C6orf118: variants seen among roughly 807,000 people sequenced by gnomAD.
C6orf118 encodes chromosome 6 open reading frame 118.
A neutral mutation model predicts 50.2 loss-of-function variants in C6orf118; 50 were observed. The ratio of observed to expected loss-of-function variants is 1.00; its 90% CI spans 0.79 to 1.26. The LOEUF (loss-of-function observed/expected upper bound fraction) is 1.26. Among genes scored for constraint, C6orf118 ranks in the 50% most tolerant of loss-of-function variants. The pLI, the probability that C6orf118 is intolerant of heterozygous loss-of-function variation, is 0.00. For missense variants in C6orf118, 641 were observed against 578.7 expected (o/e 1.11, Z -1.10); for synonymous variants, 239 against 230.9 (o/e 1.03, Z -0.32).
intron 7 of C6orf118, among the ~76,000 whole-genome samples, chr6:165,282,309 A>G (rs1779754409): frequency 6.6e-6 from 1 of 152,188 alleles, no homozygotes; most frequent in Non-Finnish European, 1.5e-5. Context: ...TGTTAATGAA[A>G]GTATTCAGGA....
rs10081051 is a variant in C6orf118 at position 165,301,234 on chromosome 6, T to C, written c.753+335A>G. On this transcript the variant is annotated intron_variant, in intron 2 of 8. Transcript: ENST00000230301. ...TCCGGGAAGCCTCAGAGGACGAGCCTCTCAGCTCACCGTCGTGGCTGTCCC... is the reference window on the plus strand; with the variant it reads ...TCCGGGAAGCCTCAGAGGACGAGCCCCTCAGCTCACCGTCGTGGCTGTCCC... 6.4e-3 allele frequency among the ~76,000 whole-genome samples: 974 copies of C among 152,006 alleles called. 14 individuals are homozygous for C. The highest frequency in any genetic ancestry group is 0.022 in the African/African-American group (920 of 41,380).
intron 1 of C6orf118, among the ~76,000 whole-genome samples, chr6:165,307,876 C>T (rs1425704312): frequency 6.6e-6 from 1 of 152,236 alleles, no homozygotes; most frequent in African/African-American, 2.4e-5. Context: ...CGTTGCAGAA[C>T]TCACAAAGAG....
chr6:165,298,186 T>A (rs1348369246), intron 4 of C6orf118, 85 bp from the exon 5 acceptor site: 9 of 1,461,504 alleles, frequency 6.2e-6, no homozygotes, highest in Admixed American at 5.2e-5. Context: ...TAATGCGTTT[T>A]CAAGGTGCCC....
intron 7 of C6orf118, among the ~76,000 whole-genome samples, chr6:165,286,635 G>A (rs936205716): frequency 4.0e-5 from 6 of 151,018 alleles, no homozygotes; most frequent in African/African-American, 9.7e-5. Context: ...TACACAAATC[G>A]GTAAAATTTA....
chr6:165,280,748 T>C (rs1290240125), intron 8 of C6orf118, among the ~76,000 whole-genome samples: 1 of 152,070 alleles, frequency 6.6e-6, no homozygotes, highest in East Asian at 1.9e-4. Flanking sequence ...TCTTAATCCA[T>C]GGAATGCGGA....
At position 165,297,515 on chromosome 6, in the gene C6orf118, C is replaced by G. The variant is rs140104645; in HGVS notation, c.1061+462G>C. Among the ~76,000 whole-genome samples, 287 of 151,762 alleles carry G rather than the reference C, an allele frequency of 1.9e-3. 1 individual carries two copies. Among genetic ancestry groups the G allele is most frequent in the South Asian group, 8.8e-3 (42 of 4,792 alleles). On this transcript the variant is annotated intron_variant, in intron 5 of 8. Coordinates refer to ENST00000230301, the MANE Select transcript of C6orf118 (RefSeq NM_144980.4). Reference sequence around the variant, plus strand: ...TTTTGGTTTTGTTTCTTGTTTCATGCTCTTGAAGATATTTTGGATGTTGCA... The same window carrying G: ...TTTTGGTTTTGTTTCTTGTTTCATGGTCTTGAAGATATTTTGGATGTTGCA...
At chr6:165,282,649 T>TTTTTC (rs1212290129) in intron 7 of C6orf118, among the ~76,000 whole-genome samples, 1 of 151,026 alleles carries the variant, frequency 6.6e-6, no homozygotes, top group Non-Finnish European at 1.5e-5. Flanking sequence ...ATTCAGCTCT[T>TTTTTC]TTTTTTTTTT....
chr6:165,293,807 C>A (rs1241273609), intron 5 of C6orf118, among the ~76,000 whole-genome samples: 1 of 151,932 alleles, frequency 6.6e-6, no homozygotes, highest in Non-Finnish European at 1.5e-5. Context: ...TTTAAAAAAA[C>A]GTAGCATTTT....
intron 8 of C6orf118, among the ~76,000 whole-genome samples, chr6:165,280,880 C>T (rs1214931580): frequency 6.6e-6 from 1 of 152,128 alleles, no homozygotes; most frequent in Admixed American, 6.5e-5. Flanking sequence ...GAGCCCAAGC[C>T]ACCTACACCT....
intron 6 of C6orf118, 54 bp from the exon 7 acceptor site, chr6:165,290,121 T>C: frequency 1.9e-6 from 2 of 1,044,912 alleles, no homozygotes; most frequent in Non-Finnish European, 2.8e-6. Context: ...TCAGTTATTA[T>C]TAATAGCATT....
intron 1 of C6orf118, among the ~76,000 whole-genome samples, chr6:165,306,555 AAAAAAAG>A (rs1220160608): frequency 9.5e-4 from 139 of 146,130 alleles, no homozygotes; most frequent in African/African-American, 2.8e-3. Context: ...AAAAAAAAAA[AAAAAAAG>A]AAATGATTAA....
chr6:165,281,218 C>A (rs1368601652), intron 8 of C6orf118, among the ~76,000 whole-genome samples: 2 of 152,124 alleles, frequency 1.3e-5, no homozygotes, highest in African/African-American at 4.8e-5. Context: ...GTTCCTGATT[C>A]CTGCCCATGT....
rs181360123 is a variant in C6orf118 at position 165,292,848 on chromosome 6, G to A, written c.1120+565C>T. 1.3e-4 allele frequency among the ~76,000 whole-genome samples: 20 copies of A among 152,238 alleles called. No homozygotes were observed. In the East Asian group the frequency reaches 3.9e-3, roughly 30 times the overall value. On this transcript the variant is annotated intron_variant, in intron 6 of 8. Transcript: ENST00000230301. ...AACAGGCAGCAGGGGGAAAAAGGCG[G>A]TAAAAGCACTCTGGCAAGGATCTTC... is the stretch of plus-strand genomic sequence containing the variant.
chr6:165,300,175 T>C (rs954120953), intron 3 of C6orf118, among the ~76,000 whole-genome samples, 189 bp downstream of exon 3: 2 of 152,192 alleles, frequency 1.3e-5, no homozygotes, highest in Admixed American at 1.3e-4. Context: ...TGGGTGTTGA[T>C]TCCACATGGC....
At position 165,300,363 on chromosome 6, in the gene C6orf118, CCTTAA is replaced by C. The variant is rs759007350; in HGVS notation, c.872_876del (p.Val291GlyfsTer2). On this transcript the variant is annotated frameshift_variant and splice_region_variant, in exon 3 of 9. Coordinates refer to ENST00000230301, the MANE Select transcript of C6orf118 (RefSeq NM_144980.4). LOFTEE classifies it high-confidence loss of function. ...TTATGCTGAAGATGTATGTTTCTTACCTTAACTTTTTTCAAGAGATCACCAAATAT... is the reference window on the plus strand; with the variant it reads ...TTATGCTGAAGATGTATGTTTCTTACCTTTTTTCAAGAGATCACCAAATAT... The C allele has an allele frequency of 1.4e-5, 22 of 1,613,742 alleles. 2 individuals carry two copies. In the South Asian group the frequency reaches 2.3e-4, roughly 17 times the overall value.
intron 1 of C6orf118, among the ~76,000 whole-genome samples, chr6:165,308,545 G>A (rs760592809): frequency 6.6e-5 from 10 of 152,146 alleles, no homozygotes; most frequent in Non-Finnish European, 1.2e-4. Flanking sequence ...CCCCTAGAAA[G>A]CAGCAAAACT....
At chr6:165,285,690 T>C (rs912643317) in intron 7 of C6orf118, among the ~76,000 whole-genome samples, 10 of 152,108 alleles carry the variant, frequency 6.6e-5, no homozygotes, top group African/African-American at 2.2e-4. Context: ...CCTGAGTAAA[T>C]AATAAAATTA....
intron 5 of C6orf118, among the ~76,000 whole-genome samples, chr6:165,297,722 G>T (rs1780360136): frequency 6.6e-6 from 1 of 151,972 alleles, no homozygotes; most frequent in Non-Finnish European, 1.5e-5. Flanking sequence ...AGTCTTCAGG[G>T]GACCACCAGA....
rs773279552 is a variant in C6orf118, at chr6:165,290,025, AGAGT to A, written c.1159_1162del (p.Thr387LeufsTer46). ...CCTCTTCTTTTCAACCTTCTCAGTA[AGAGT>A]AAGTCGGTTTTCATCAATTATATGT... On this transcript the variant is annotated frameshift_variant, in exon 7 of 9. Transcript: ENST00000230301. LOFTEE classifies it high-confidence loss of function. The A allele has an allele frequency of 6.2e-7, 1 of 1,608,738 alleles. No homozygotes were observed. Among genetic ancestry groups the A allele is most frequent in the Non-Finnish European group, 8.5e-7 (1 of 1,178,060 alleles).
Sources: gnomAD v4.1 joint callset for allele counts (sites outside exome capture counted in the v4.1 genomes callset) on GRCh38, gnomAD v4.1.1 for gene constraint, MANE v1.5 for transcripts, NCBI Gene and HGNC (gene_info 2026-07-23, HGNC 2026-07-21) for gene names.